SPOCK1: variants seen among roughly 807,000 people sequenced by gnomAD.
The protein encoded by SPOCK1 is SPARC (osteonectin), cwcv and kazal like domains proteoglycan 1, also known as testican-1.
A neutral mutation model predicts 55.3 loss-of-function variants in SPOCK1; 23 were observed. That is an observed-to-expected ratio of 0.42 (90% CI 0.30 to 0.59). The LOEUF (loss-of-function observed/expected upper bound fraction) is 0.59, where lower values mean the gene tolerates loss of function less well. Among genes scored for constraint, SPOCK1 ranks in the 20% least tolerant of loss-of-function variants. The pLI is 0.22. For missense variants in SPOCK1, 499 were observed against 552.5 expected (o/e 0.90, Z 0.97); for synonymous variants, 226 against 221.0 (o/e 1.02, Z -0.20).
intron 3 of SPOCK1, among the ~76,000 whole-genome samples, chr5:137,219,701 C>G (rs531028940): frequency 1.3e-5 from 2 of 152,320 alleles, no homozygotes; most frequent in Admixed American, 1.3e-4. Context: ...TAGAGCTCAT[C>G]ATGATCAAAG....
chr5:137,217,043 G>T (rs1307533207), intron 3 of SPOCK1, among the ~76,000 whole-genome samples: 1 of 152,148 alleles, frequency 6.6e-6, no homozygotes, highest in Admixed American at 6.5e-5. Context: ...AGGGAGTGGA[G>T]AGCTCAGACT....
intron 3 of SPOCK1, among the ~76,000 whole-genome samples, chr5:137,206,030 G>T (rs1486865292): frequency 6.6e-6 from 1 of 152,220 alleles, no homozygotes; most frequent in Non-Finnish European, 1.5e-5. Context: ...AGGCAGATCA[G>T]AAAACACACT....
At chr5:137,451,893 TAG>T (rs1272484118) in intron 2 of SPOCK1, among the ~76,000 whole-genome samples, 1 of 152,274 alleles carries the variant, frequency 6.6e-6, no homozygotes, top group Non-Finnish European at 1.5e-5. Context: ...AGGGTAATTT[TAG>T]ACCCTAAAGG....
At chr5:137,427,907 T>TAAAAAA (rs75837887) in intron 2 of SPOCK1, among the ~76,000 whole-genome samples, 2 of 104,194 alleles carry the variant, frequency 1.9e-5, no homozygotes, top group Admixed American at 1.0e-4. Flanking sequence ...AGACTCCGTC[T>TAAAAAA]AAAAAAAAAA....
chr5:137,420,745 C>G (rs1580916899), intron 2 of SPOCK1, among the ~76,000 whole-genome samples: 1 of 152,092 alleles, frequency 6.6e-6, no homozygotes, highest in Non-Finnish European at 1.5e-5. Flanking sequence ...TTCAAAAAAC[C>G]AGCTCCTGGG....
At chr5:137,356,828 TATATATATATAGAGAGAGAG>T (rs1750820759) in intron 2 of SPOCK1, among the ~76,000 whole-genome samples, 1 of 14,932 alleles carries the variant, frequency 6.7e-5, no homozygotes, top group Non-Finnish European at 1.3e-4. Context: ...TATATATATA[TATATATATATAGAGAGAGAG>T]AGAGAGAGAG....
intron 2 of SPOCK1, among the ~76,000 whole-genome samples, chr5:137,477,273 A>G (rs980780511): frequency 3.9e-5 from 6 of 152,200 alleles, no homozygotes; most frequent in African/African-American, 1.4e-4. Context: ...ATAAAGCAAT[A>G]TGGCTATCTT....
chr5:136,979,721 T>C (rs1357983313), intron 9 of SPOCK1, among the ~76,000 whole-genome samples: 1 of 152,182 alleles, frequency 6.6e-6, no homozygotes, highest in African/African-American at 2.4e-5. Context: ...AATACTTCTA[T>C]TCTGGGCACT....
intron 2 of SPOCK1, among the ~76,000 whole-genome samples, chr5:137,286,463 T>A (rs541747760): frequency 6.6e-6 from 1 of 152,200 alleles, no homozygotes; most frequent in African/African-American, 2.4e-5. Flanking sequence ...CAGGCTGAAA[T>A]CCCATCTGCA....
chr5:137,125,029 T>C (rs968149166), intron 4 of SPOCK1, among the ~76,000 whole-genome samples: 1 of 152,184 alleles, frequency 6.6e-6, no homozygotes, highest in Non-Finnish European at 1.5e-5. Context: ...TGGTAGGTTC[T>C]ATGCAGCAAA....
rs543891937 is a variant in SPOCK1 at position 137,421,003 on chromosome 5, T to G, written c.186+77370A>C. Among the ~76,000 whole-genome samples, 43 of 152,370 alleles carry G rather than the reference T, an allele frequency of 2.8e-4. No homozygotes were observed. In the South Asian group the frequency reaches 6.0e-3, roughly 21 times the overall value. Reference sequence around the variant, plus strand: ...GAGATTCTGGTATGTTGTGTCTTTGTTCTCATTGGTTTCAAAGAACCTCTT... The same window carrying G: ...GAGATTCTGGTATGTTGTGTCTTTGGTCTCATTGGTTTCAAAGAACCTCTT... On this transcript the variant is annotated intron_variant, in intron 2 of 10. Coordinates refer to ENST00000394945, the MANE Select transcript of SPOCK1 (RefSeq NM_004598.4).
chr5:136,978,865 T>C (rs760827354), intron 10 of SPOCK1, 21 bp from the exon 11 acceptor site: 1 of 1,591,800 alleles, frequency 6.3e-7, no homozygotes. Flanking sequence ...AAAAAAAGCA[T>C]TGAGGTTAGT....
intron 2 of SPOCK1, among the ~76,000 whole-genome samples, chr5:137,461,878 A>G (rs1384007160): frequency 6.6e-6 from 1 of 152,214 alleles, no homozygotes; most frequent in Non-Finnish European, 1.5e-5. Flanking sequence ...GATTACTCAC[A>G]AAGCACTTTC....
intron 2 of SPOCK1, among the ~76,000 whole-genome samples, chr5:137,362,759 C>T (rs1750978996): frequency 6.6e-6 from 1 of 152,182 alleles, no homozygotes; most frequent in African/African-American, 2.4e-5. Flanking sequence ...GCATGGTTGC[C>T]TTCAAATAAA....
At chr5:137,054,864 TA>T (rs1752272890) in intron 6 of SPOCK1, among the ~76,000 whole-genome samples, 2 of 152,204 alleles carry the variant, frequency 1.3e-5, no homozygotes, top group South Asian at 2.1e-4. Flanking sequence ...GATATAAAGA[TA>T]AATTAGACAT....
intron 2 of SPOCK1, among the ~76,000 whole-genome samples, chr5:137,352,090 G>A (rs1389445173): frequency 2.0e-5 from 3 of 152,234 alleles, no homozygotes; most frequent in African/African-American, 7.2e-5. Flanking sequence ...TGGAGCAAGT[G>A]TCTTAACTTC....
At chr5:137,156,369 G>A (rs1035828998) in intron 3 of SPOCK1, among the ~76,000 whole-genome samples, 10 of 152,102 alleles carry the variant, frequency 6.6e-5, no homozygotes, top group African/African-American at 2.4e-4. Context: ...TATCTCAGCA[G>A]AGTTTGCGCA....
At chr5:137,393,189 C>A (rs1751763802) in intron 2 of SPOCK1, among the ~76,000 whole-genome samples, 1 of 152,186 alleles carries the variant, frequency 6.6e-6, no homozygotes, top group Non-Finnish European at 1.5e-5. Context: ...CAATTCTTCA[C>A]CCCTTCCTGT....
chr5:136,986,319 C>T (rs1750839742), intron 8 of SPOCK1, among the ~76,000 whole-genome samples: 1 of 152,072 alleles, frequency 6.6e-6, no homozygotes, highest in Admixed American at 6.5e-5. Flanking sequence ...CTGTTACCTC[C>T]AGGCAAGCAT....
Sources: gnomAD v4.1 joint callset for allele counts (sites outside exome capture counted in the v4.1 genomes callset) on GRCh38, gnomAD v4.1.1 for gene constraint, MANE v1.5 for transcripts, NCBI Gene and HGNC (gene_info 2026-07-23, HGNC 2026-07-21) for gene names.